TMEM131L: variants seen among roughly 807,000 people sequenced by gnomAD.
TMEM131L encodes the protein transmembrane protein 131-like.
TMEM131L carries 54 observed loss-of-function variants against 192.2 expected under a neutral mutation model. The ratio of observed to expected loss-of-function variants is 0.28; its 90% CI spans 0.23 to 0.35. The LOEUF (loss-of-function observed/expected upper bound fraction) is 0.35. TMEM131L is among the 10% of genes least tolerant of loss of function. The pLI is 1.00. For synonymous variants in TMEM131L, 701 were observed against 704.9 expected (o/e 0.99, Z 0.09); for missense variants, 1,888 against 1,972.9 (o/e 0.96, Z 0.82).
chr4:153,525,747 T>C (rs1735423519), intron 3 of TMEM131L, among the ~76,000 whole-genome samples: 1 of 152,252 alleles, frequency 6.6e-6, no homozygotes, highest in African/African-American at 2.4e-5. Flanking sequence ...TCTGTATCAG[T>C]GTTTTTCAAA....
chr4:153,513,025 T>C (rs1458506262), intron 3 of TMEM131L, among the ~76,000 whole-genome samples: 7 of 152,304 alleles, frequency 4.6e-5, no homozygotes, highest in African/African-American at 1.4e-4. Context: ...CCTTCATCTT[T>C]TATTAATTTT....
chr4:153,602,293 A>G lies in TMEM131L; in HGVS notation c.2408A>G (p.His803Arg). 1.2e-6 allele frequency: 2 copies of G among 1,613,758 alleles called. No homozygotes were observed. Among genetic ancestry groups the G allele is most frequent in the Non-Finnish European group, 1.7e-6 (2 of 1,179,922 alleles). ...QGYGFEVLDC[H>R]QFSLDPNTSR... ...TATGGATTCGAGGTGCTGGATTGTC[A>G]TCAGTTTTCCCTGGACCCAAACACA... Residue 803 changes from histidine (H) to arginine (R), a missense_variant, in exon 22 of 35, where the codon CAT (histidine) becomes CGT (arginine). Physicochemically the swap from His to Arg is conservative, Grantham distance 29. Coordinates refer to ENST00000409959, the MANE Select transcript of TMEM131L (RefSeq NM_001131007.2).
chr4:153,477,974 C>G lies in TMEM131L; in HGVS notation c.239+4086C>G, dbSNP rs145519824. On this transcript the variant is annotated intron_variant, in intron 3 of 34. Transcript: ENST00000409959. ...TACCCTTTAGCCATCAACCTCCAAT[C>G]TCCTATCCCTGCCTGGATTCATTTT... Among the ~76,000 whole-genome samples, 13 of 152,360 alleles carry G rather than the reference C, an allele frequency of 8.5e-5. No individual in the cohort carries two copies. In the East Asian group the frequency reaches 2.5e-3, roughly 29 times the overall value.
At chr4:153,547,025 A>G (rs1737232810) in intron 3 of TMEM131L, among the ~76,000 whole-genome samples, 1 of 152,226 alleles carries the variant, frequency 6.6e-6, no homozygotes, top group African/African-American at 2.4e-5. Context: ...AAGCGCTTTT[A>G]AATTTATATA....
At chr4:153,560,098 C>T (rs559994106) in intron 7 of TMEM131L, among the ~76,000 whole-genome samples, 32 of 152,274 alleles carry the variant, frequency 2.1e-4, no homozygotes, top group South Asian at 4.1e-4. Context: ...TGCGTCTCTC[C>T]CCATCCTAAT....
chr4:153,615,510 G>T (rs1218630854), intron 26 of TMEM131L, among the ~76,000 whole-genome samples: 1 of 152,214 alleles, frequency 6.6e-6, no homozygotes, highest in Non-Finnish European at 1.5e-5. Context: ...TGAATTTGCA[G>T]ACTGGCTGAG....
chr4:153,472,267 G>A (rs1424063855), intron 2 of TMEM131L, among the ~76,000 whole-genome samples: 4 of 152,136 alleles, frequency 2.6e-5, no homozygotes, highest in Non-Finnish European at 5.9e-5. Flanking sequence ...TAACTATAGA[G>A]CCCAAGTTTT....
intron 13 of TMEM131L, 25 bp from the exon 14 acceptor site, chr4:153,586,184 T>C (rs1730687886): frequency 6.6e-7 from 1 of 1,512,520 alleles, no homozygotes; most frequent in South Asian, 1.3e-5. Context: ...GGAAAAGTAA[T>C]TTCTCTTGCT....
Position 153,541,638 on chromosome 4 carries a change from A to G in TMEM131L, c.240-8435A>G, listed in dbSNP as rs1736786486. On this transcript the variant is annotated intron_variant, in intron 3 of 34. Transcript: ENST00000409959. ...AGGAGCTCAGCAGAGTCTAGGCCACAGATACACAGGCTTGGGAAATGAATC... is the reference window on the plus strand; with the variant it reads ...AGGAGCTCAGCAGAGTCTAGGCCACGGATACACAGGCTTGGGAAATGAATC... Among the ~76,000 whole-genome samples the G allele has an allele frequency of 3.3e-5, 5 of 152,374 alleles. No individual in the cohort carries two copies. The Middle Eastern group carries it at 0.014, about 415-fold the overall frequency.
In TMEM131L at chr4:153,632,749, T is replaced by C. The variant is rs202012559; in HGVS notation, c.4239T>C (p.Thr1413=). Residue 1413 remains threonine, a synonymous_variant, in exon 32 of 35, where the codon ACT becomes ACC. Coordinates refer to ENST00000409959, the MANE Select transcript of TMEM131L (RefSeq NM_001131007.2). The stretch of plus-strand genomic sequence containing the variant: ...ACTCACCTGGAGACCTGTGGCCCAC[T>C]CCGCCAGTGTGTGTGACAAGCAGCT... The part of the protein sequence containing the change: ...GLYSPGDLWP[T]PPVCVTSSLN... 6.2e-7 allele frequency: 1 copy of C among 1,614,098 alleles called. No individual in the cohort carries two copies. Among genetic ancestry groups the C allele is most frequent in the Admixed American group, 1.7e-5 (1 of 60,008 alleles).
At chr4:153,552,960 T>G (rs184248390) in intron 4 of TMEM131L, among the ~76,000 whole-genome samples, 1 of 151,316 alleles carries the variant, frequency 6.6e-6, no homozygotes, top group East Asian at 1.9e-4. Context: ...TTTTTTTCCC[T>G]CAAACACTTT....
intron 3 of TMEM131L, among the ~76,000 whole-genome samples, chr4:153,517,584 A>G (rs1046978661): frequency 6.6e-5 from 10 of 152,212 alleles, no homozygotes. Context: ...TGCTGAATTG[A>G]ATGGAACCCA....
rs547464648 is a variant in TMEM131L at position 153,584,780 on chromosome 4, G to A, written c.1061-55G>A. 4.0e-6 allele frequency: 5 copies of A among 1,256,850 alleles called. No homozygotes were observed. The East Asian group carries it at 9.4e-5, about 24-fold the overall frequency. The allele number at this position is 1,256,850 out of a possible 1,614,324, so 77.9% of individuals were successfully genotyped here. ...AATAAGACATATATCTTTTGTTCAG[G>A]CTTAATGAAAGAAAAGGTACTTAAG... On this transcript the variant is annotated intron_variant, in intron 11 of 34. Transcript: ENST00000409959.
intron 20 of TMEM131L, 118 bp downstream of exon 20, chr4:153,596,503 G>A: frequency 7.8e-7 from 1 of 1,277,714 alleles, no homozygotes; most frequent in Non-Finnish European, 1.1e-6. Flanking sequence ...AGGCTGTGTT[G>A]CGGGGTAGGA....
intron 7 of TMEM131L, among the ~76,000 whole-genome samples, chr4:153,560,829 A>G (rs1580216433): frequency 6.6e-6 from 1 of 152,226 alleles, no homozygotes; most frequent in African/African-American, 2.4e-5. Context: ...TACTCTGGCT[A>G]TTATGAATGA....
In TMEM131L at chr4:153,558,247, T is replaced by G; in HGVS notation, c.550-11T>G. 6.9e-7 allele frequency: 1 copy of G among 1,450,180 alleles called. No individual in the cohort carries two copies. The highest frequency in any genetic ancestry group is 9.6e-7 in the Non-Finnish European group (1 of 1,037,770). 89.8% of individuals were successfully genotyped at this position (1,450,180 alleles called of 1,614,324 possible). Reference sequence around the variant, plus strand: ...CTTAACAGAGGAGCAATTCTCTCTCTTTTTCCGCAGGTATCTGGAATTGGC... The same window carrying G: ...CTTAACAGAGGAGCAATTCTCTCTCGTTTTCCGCAGGTATCTGGAATTGGC... On this transcript the variant is annotated splice_polypyrimidine_tract_variant and intron_variant, in intron 6 of 34. Coordinates refer to ENST00000409959, the MANE Select transcript of TMEM131L (RefSeq NM_001131007.2).
At chr4:153,473,757 A>T in intron 2 of TMEM131L, 88 bp from the exon 3 acceptor site, 1 of 1,065,316 alleles carries the variant, frequency 9.4e-7, no homozygotes, top group Non-Finnish European at 1.4e-6. Flanking sequence ...CTGCCATTGT[A>T]CTCCAGCCTG....
intron 3 of TMEM131L, among the ~76,000 whole-genome samples, chr4:153,478,368 C>T (rs964041659): frequency 1.3e-5 from 2 of 152,244 alleles, no homozygotes; most frequent in African/African-American, 4.8e-5. Context: ...TCCCCAAAAC[C>T]CACCTTATTT....
Position 153,636,637 on chromosome 4 carries a change from A to G in TMEM131L, c.*61A>G, listed in dbSNP as rs1734601742. ...GCTTGTGTTTTGATTACTAGTGTAA[A>G]CTGGTTATTGAGATAGATTATGACA... On this transcript the variant is annotated 3_prime_UTR_variant, in exon 35 of 35. Coordinates refer to ENST00000409959, the MANE Select transcript of TMEM131L (RefSeq NM_001131007.2). 1.3e-6 allele frequency: 2 copies of G among 1,509,102 alleles called. No homozygotes were observed. Among genetic ancestry groups the G allele is most frequent in the East Asian group, 2.3e-5 (1 of 43,994 alleles). 93.5% of individuals were successfully genotyped at this position (1,509,102 alleles called of 1,614,324 possible).
Sources: allele counts gnomAD v4.1 joint callset (sites outside exome capture counted in the v4.1 genomes callset), GRCh38; gene constraint gnomAD v4.1.1; transcripts MANE v1.5; gene names NCBI Gene and HGNC (gene_info 2026-07-23, HGNC 2026-07-21).